The following GAL3ST4 variants were observed in gnomAD, a reference collection of about 807,000 sequenced individuals.
GAL3ST4 encodes galactose-3-O-sulfotransferase 4.
Under a neutral mutation model 31.6 loss-of-function variants are expected in GAL3ST4, and 30 were observed. The observed-to-expected ratio is 0.95, with a 90% CI of 0.71 to 1.29. The LOEUF (loss-of-function observed/expected upper bound fraction) is 1.29, where lower values mean the gene tolerates loss of function less well. Among genes scored for constraint, GAL3ST4 ranks in the 50% most tolerant of loss-of-function variants. The pLI is 0.00. For missense variants in GAL3ST4, 629 were observed against 625.2 expected (o/e 1.01, Z -0.06); for synonymous variants, 248 against 256.9 (o/e 0.97, Z 0.33).
Position 100,159,406 on chromosome 7 carries a change from G to A in GAL3ST4, c.*522C>T, listed in dbSNP as rs1798957969. 6.5e-6 allele frequency: 1 copy of A among 154,302 alleles called. No homozygotes were observed. The highest frequency in any genetic ancestry group is 2.0e-4 in the South Asian group (1 of 5,074). The allele number at this position is 154,302 out of a possible 1,614,324, so 9.6% of individuals were successfully genotyped here. A position where few individuals can be genotyped will look rare whatever the true frequency, so the allele number is the denominator to read the frequency against. ...TGCCCCTCTAGGGAGCTTCGGTGAT[G>A]TGGATCTGCCTTGGGGCAGGAAAGG... On this transcript the variant is annotated 3_prime_UTR_variant, in exon 4 of 4. Coordinates refer to ENST00000360039, the MANE Select transcript of GAL3ST4 (RefSeq NM_024637.5).
At chr7:100,165,077 T>G (rs1473352794) in intron 3 of GAL3ST4, among the ~76,000 whole-genome samples, 1 of 152,022 alleles carries the variant, frequency 6.6e-6, no homozygotes, top group Admixed American at 6.6e-5. Flanking sequence ...GGTTTCACTG[T>G]GTTAGCCAGG....
chr7:100,167,163 G>A lies in GAL3ST4; in HGVS notation c.-68C>T. The stretch of plus-strand genomic sequence containing the variant: ...GCCAGGAAGAGGGGCAGAGACAGCT[G>A]GAGACAGCCGTGCAGCTGCGGAAGG... On this transcript the variant is annotated 5_prime_UTR_variant, in exon 2 of 4. Coordinates refer to ENST00000360039, the MANE Select transcript of GAL3ST4 (RefSeq NM_024637.5). 6.4e-7 allele frequency: 1 copy of A among 1,551,158 alleles called. No individual in the cohort carries two copies. The highest frequency in any genetic ancestry group is 1.2e-5 in the South Asian group (1 of 84,006).
In GAL3ST4 at chr7:100,167,300, G is replaced by T; in HGVS notation, c.-188-17C>A. 1 of 1,276,654 alleles carries T rather than the reference G, an allele frequency of 7.8e-7. No individual in the cohort carries two copies. The highest frequency in any genetic ancestry group is 1.1e-6 in the Non-Finnish European group (1 of 951,460). 79.1% of individuals were successfully genotyped at this position (1,276,654 alleles called of 1,614,324 possible). On this transcript the variant is annotated splice_polypyrimidine_tract_variant and intron_variant, in intron 1 of 3. Transcript: ENST00000360039. ...TGTCAGCGTCTAGAAGGGAAATGAGGGGGGAAGAAGGGAAGTCTAAGGAGA... is the reference window on the plus strand; with the variant it reads ...TGTCAGCGTCTAGAAGGGAAATGAGTGGGGAAGAAGGGAAGTCTAAGGAGA...
Position 100,160,660 on chromosome 7 carries a change from CAAG to C in GAL3ST4, c.726_728del (p.Leu243del), listed in dbSNP as rs1562954424. 1.2e-6 allele frequency: 2 copies of C among 1,613,878 alleles called. No homozygotes were observed. Among genetic ancestry groups the C allele is most frequent in the South Asian group, 1.1e-5 (1 of 91,076 alleles). On this transcript the variant is annotated inframe_deletion, in exon 4 of 4. Transcript: ENST00000360039. ...GGGCTCGAGGGCCAGCACCAGAAGG[CAAG>C]ACCTGCAGCTGTGGGGGGTTGGGGT...
chr7:100,160,436 A>C lies in GAL3ST4; in HGVS notation c.953T>G (p.Leu318Arg). 2 of 1,614,128 alleles carry C rather than the reference A, an allele frequency of 1.2e-6. No homozygotes were observed. Among genetic ancestry groups the C allele is most frequent in the Non-Finnish European group, 1.7e-6 (2 of 1,180,046 alleles). The stretch of plus-strand genomic sequence containing the variant: ...CACCACGTCATCTAGACCCCAGCAC[A>C]GGGCATCTGCCAGCAGAACCAATGA... ...DESLVLLADA[L>R]CWGLDDVVGF... is the part of the protein sequence containing the mutation. The change falls in exon 4 of 4, where the codon CTG becomes CGG. Residue 318 changes from leucine to arginine, a missense_variant. By Grantham distance (102) the Leu-to-Arg change is moderately radical. Transcript: ENST00000360039.
Position 100,159,800 on chromosome 7 carries a change from G to C in GAL3ST4, c.*128C>G. ...AGCACTGCTGGGAGCCCAGCGAAGA[G>C]GGGGCTTGCATCGGGACAAAGACTC... is the stretch of plus-strand genomic sequence containing the variant. On this transcript the variant is annotated 3_prime_UTR_variant, in exon 4 of 4. Coordinates refer to ENST00000360039, the MANE Select transcript of GAL3ST4 (RefSeq NM_024637.5). The C allele has an allele frequency of 1.3e-6, 1 of 768,598 alleles. No individual in the cohort carries two copies. The highest frequency in any genetic ancestry group is 1.7e-5 in the African/African-American group (1 of 57,422). The allele number at this position is 768,598 out of a possible 1,614,324, so 47.6% of individuals were successfully genotyped here. A position where few individuals can be genotyped will look rare whatever the true frequency, so the allele number is the denominator to read the frequency against.
At position 100,168,293 on chromosome 7, in the gene GAL3ST4, C is replaced by T. The variant is rs1799117739; in HGVS notation, c.-189+253G>A. On this transcript the variant is annotated intron_variant, in intron 1 of 3. Coordinates refer to ENST00000360039, the MANE Select transcript of GAL3ST4 (RefSeq NM_024637.5). This position sits in a 1 kb window ranked among gnomAD's most constrained non-coding sequence, Gnocchi z 4.1. ...ACTTTTACTCCCGGAGACCTGCCCTCTCTGGCATCACTCCCCAATTCCCTC... is the reference window on the plus strand; with the variant it reads ...ACTTTTACTCCCGGAGACCTGCCCTTTCTGGCATCACTCCCCAATTCCCTC... Among the ~76,000 whole-genome samples the T allele has an allele frequency of 6.6e-6, 1 of 152,288 alleles. No individual in the cohort carries two copies. Among genetic ancestry groups the T allele is most frequent in the Non-Finnish European group, 1.5e-5 (1 of 68,028 alleles).
Position 100,160,675 on chromosome 7 carries a change from TG to T in GAL3ST4, c.713del (p.Pro238HisfsTer85), listed in dbSNP as rs1332058293. On this transcript the variant is annotated frameshift_variant, in exon 4 of 4. Coordinates refer to ENST00000360039, the MANE Select transcript of GAL3ST4 (RefSeq NM_024637.5). LOFTEE classifies it high-confidence loss of function. The part of the protein sequence containing the change: ...NIHPPRDPNP[P>X]QLQVLPSGAG... Reference sequence around the variant, plus strand: ...CACCAGAAGGCAAGACCTGCAGCTGTGGGGGGTTGGGGTCTCTGGGGGGATG... The same window carrying T: ...CACCAGAAGGCAAGACCTGCAGCTGTGGGGGTTGGGGTCTCTGGGGGGATG... 5.6e-6 allele frequency: 9 copies of T among 1,613,436 alleles called. No individual in the cohort carries two copies. Among genetic ancestry groups the T allele is most frequent in the Admixed American group, 1.7e-5 (1 of 59,988 alleles).
chr7:100,165,871 C>T (rs1444339127), intron 3 of GAL3ST4, among the ~76,000 whole-genome samples: 2 of 137,858 alleles, frequency 1.5e-5, no homozygotes, highest in Non-Finnish European at 3.1e-5. Context: ...GCTGGGCAAG[C>T]TCACTCCTGT....
At position 100,159,950 on chromosome 7, in the gene GAL3ST4, G is replaced by A; in HGVS notation, c.1439C>T (p.Thr480Ile). Residue 480 changes from threonine (T) to isoleucine (I), a missense_variant, in exon 4 of 4, where the codon ACT becomes ATT. By Grantham distance (89) the Thr-to-Ile change is moderately conservative. Transcript: ENST00000360039. ...TGTTTATGGGGAGAGTGGCCTTGAA[G>A]TCTTGAGGGGCAGTGAGACGGTAGG... Reference protein sequence around the residue: ...FPPTVSLPLKTSRPLSP With the variant: ...FPPTVSLPLKISRPLSP 1 of 1,609,354 alleles carries A rather than the reference G, an allele frequency of 6.2e-7. No homozygotes were observed. Among genetic ancestry groups the A allele is most frequent in the Non-Finnish European group, 8.5e-7 (1 of 1,177,534 alleles).
rs763088131 is a variant in GAL3ST4 at position 100,160,314 on chromosome 7, C to G, written c.1075G>C (p.Ala359Pro). The change falls in exon 4 of 4, where the codon GCC (alanine) becomes CCC (proline). Residue 359 changes from alanine (A) to proline (P), a missense_variant. By Grantham distance (27) the Ala-to-Pro change is conservative. Transcript: ENST00000360039. Reference sequence around the variant, plus strand: ...CAGTCCAGGTTGTTCCAGGCTCGGGCCCGTGCAGTCAGCTGCCGGTCCTCC... The same window carrying G: ...CAGTCCAGGTTGTTCCAGGCTCGGGGCCGTGCAGTCAGCTGCCGGTCCTCC... ...TAEDRQLTAR[A>P]RAWNNLDWAL... 1.2e-6 allele frequency: 2 copies of G among 1,613,632 alleles called. No homozygotes were observed. Among genetic ancestry groups the G allele is most frequent in the Non-Finnish European group, 1.7e-6 (2 of 1,179,868 alleles).
intron 1 of GAL3ST4, chr7:100,167,560 A>AAG (rs1364236505): frequency 8.4e-5 from 16 of 190,426 alleles, no homozygotes; most frequent in East Asian, 3.0e-4. Context: ...AACAGCCAGC[A>AAG]AGAGAGAGAG....
At position 100,160,687 on chromosome 7, in the gene GAL3ST4, G is replaced by A; in HGVS notation, c.702C>T (p.Asp234=). The A allele has an allele frequency of 1.9e-6, 3 of 1,613,860 alleles. No individual in the cohort carries two copies. Among genetic ancestry groups the A allele is most frequent in the Non-Finnish European group, 2.5e-6 (3 of 1,180,020 alleles). The change falls in exon 4 of 4, where the codon GAC becomes GAT. Residue 234 remains aspartate (D), a synonymous_variant. Coordinates refer to ENST00000360039, the MANE Select transcript of GAL3ST4 (RefSeq NM_024637.5). ...AGACCTGCAGCTGTGGGGGGTTGGG[G>A]TCTCTGGGGGGATGAATATTCCCTC... ...AKRGNIHPPR[D]PNPPQLQVLP...
chr7:100,164,165 C>T (rs1267092880), intron 3 of GAL3ST4, among the ~76,000 whole-genome samples: 16 of 152,172 alleles, frequency 1.1e-4, no homozygotes, highest in Admixed American at 1.0e-3. Context: ...AGAGCACGCC[C>T]ATGTCCTCAG....
At position 100,168,291 on chromosome 7, in the gene GAL3ST4, C is replaced by A; in HGVS notation, c.-189+255G>T. 6.6e-6 allele frequency: 1 copy of A among 152,638 alleles called. No homozygotes were observed. The allele number at this position is 152,638 out of a possible 1,614,324, so 9.5% of individuals were successfully genotyped here. On this transcript the variant is annotated intron_variant, in intron 1 of 3. Transcript: ENST00000360039. This position sits in a 1 kb window ranked among gnomAD's most constrained non-coding sequence, Gnocchi z 4.1. ...ACACTTTTACTCCCGGAGACCTGCC[C>A]TCTCTGGCATCACTCCCCAATTCCC...
Position 100,160,178 on chromosome 7 carries a change from G to T in GAL3ST4, c.1211C>A (p.Ala404Glu), listed in dbSNP as rs543582140. Residue 404 changes from alanine (A) to glutamate (E), a missense_variant, in exon 4 of 4, where the codon GCG becomes GAG. By Grantham distance (107) the Ala-to-Glu change is moderately radical. Coordinates refer to ENST00000360039, the MANE Select transcript of GAL3ST4 (RefSeq NM_024637.5). The stretch of plus-strand genomic sequence containing the variant: ...CTCACCCCCTACCAGACAATGTTTC[G>T]CTAGGGCCTCTCGGCGAGCCCGGAG... ...AELRARREAL[A>E]KHCLVGGEAS... The T allele has an allele frequency of 1.2e-5, 19 of 1,613,976 alleles. No individual in the cohort carries two copies. The highest frequency in any genetic ancestry group is 1.6e-5 in the Non-Finnish European group (19 of 1,180,000).
At position 100,160,568 on chromosome 7, in the gene GAL3ST4, G is replaced by A; in HGVS notation, c.821C>T (p.Ser274Leu). 1 of 1,613,870 alleles carries A rather than the reference G, an allele frequency of 6.2e-7. No homozygotes were observed. Among genetic ancestry groups the A allele is most frequent in the African/African-American group, 1.3e-5 (1 of 75,064 alleles). Residue 274 changes from serine to leucine, a missense_variant, in exon 4 of 4, where the codon TCA becomes TTA. Physicochemically the swap from Ser to Leu is moderately radical, Grantham distance 145. Coordinates refer to ENST00000360039, the MANE Select transcript of GAL3ST4 (RefSeq NM_024637.5). Reference protein sequence around the residue: ...STVTDHRSQISSPASFDLGSS... With the variant: ...STVTDHRSQILSPASFDLGSS... ...CCCCAAATCGAAAGAGGCAGGGCTTGATATCTGGCTGCGATGATCAGTAAC... is the reference window on the plus strand; with the variant it reads ...CCCCAAATCGAAAGAGGCAGGGCTTAATATCTGGCTGCGATGATCAGTAAC...
chr7:100,164,876 C>CT lies in GAL3ST4; in HGVS notation c.429+1625dup, dbSNP rs1176405671. On this transcript the variant is annotated intron_variant, in intron 3 of 3. Coordinates refer to ENST00000360039, the MANE Select transcript of GAL3ST4 (RefSeq NM_024637.5). ...AATTTTATTTATTTATCTTTCTTTC[C>CT]TTTTTTTTTTTTTTTTGAGACAGAG... Among the ~76,000 whole-genome samples, 896 of 137,554 alleles carry CT rather than the reference C, an allele frequency of 6.5e-3. 3 individuals carry two copies. The highest frequency in any genetic ancestry group is 0.01 in the African/African-American group (389 of 37,806). 90.2% of individuals were successfully genotyped at this position (137,554 alleles called of 152,430 possible).
chr7:100,161,505 G>T (rs892832489), intron 3 of GAL3ST4, among the ~76,000 whole-genome samples: 4 of 151,786 alleles, frequency 2.6e-5, no homozygotes, highest in African/African-American at 9.7e-5. Flanking sequence ...AAAAAAATTA[G>T]CCAGGTGTGA....
Sources: gnomAD v4.1 joint callset for allele counts (sites outside exome capture counted in the v4.1 genomes callset) on GRCh38, gnomAD v4.1.1 for gene constraint, Gnocchi (gnomAD v3.1) non-coding constraint, MANE v1.5 for transcripts, NCBI Gene and HGNC (gene_info 2026-07-23, HGNC 2026-07-21) for gene names.